Variants in PREX1 observed in about 807,000 individuals in gnomAD.
PREX1 encodes the protein phosphatidylinositol 3,4,5-trisphosphate-dependent Rac exchanger 1 protein.
Under a neutral mutation model 198.3 loss-of-function variants are expected in PREX1, and 41 were observed. That is an observed-to-expected ratio of 0.21 (90% CI 0.16 to 0.27). The LOEUF is 0.27. PREX1 is among the 10% of genes least tolerant of loss of function. The pLI is 1.00. For synonymous variants in PREX1, 843 were observed against 887.2 expected (o/e 0.95, Z 0.89); for missense variants, 1,620 against 2,200.7 (o/e 0.74, Z 5.28).
At chr20:48,628,441 C>T (rs2089289987) in intron 37 of PREX1, among the ~76,000 whole-genome samples, 1 of 152,166 alleles carries the variant, frequency 6.6e-6, no homozygotes, top group Non-Finnish European at 1.5e-5. Flanking sequence ...TCCTCTGTGA[C>T]CCTGGGTAGC....
chr20:48,776,478 C>G (rs914217928), intron 1 of PREX1, among the ~76,000 whole-genome samples: 4 of 152,208 alleles, frequency 2.6e-5, no homozygotes, highest in Admixed American at 6.5e-5. Context: ...GCCGCTGGAG[C>G]CTGGAAGCCA....
chr20:48,664,486 G>A (rs1040710083), intron 15 of PREX1, among the ~76,000 whole-genome samples: 1 of 152,198 alleles, frequency 6.6e-6, no homozygotes, highest in Non-Finnish European at 1.5e-5. Flanking sequence ...CAACTGAGCA[G>A]AAACACTGAG....
chr20:48,773,699 C>T (rs1056740724), intron 1 of PREX1, among the ~76,000 whole-genome samples: 2 of 152,106 alleles, frequency 1.3e-5, no homozygotes, highest in African/African-American at 2.4e-5. Context: ...CAGGAAGAAA[C>T]GAGGCAAGAG....
intron 10 of PREX1, among the ~76,000 whole-genome samples, chr20:48,687,731 A>G (rs984626015): frequency 3.3e-5 from 5 of 152,136 alleles, no homozygotes; most frequent in African/African-American, 1.2e-4. Context: ...AGGGCCTTAA[A>G]ACAGCCTGAC....
intron 5 of PREX1, among the ~76,000 whole-genome samples, chr20:48,718,447 A>G (rs1447352984): frequency 6.6e-6 from 1 of 152,252 alleles, no homozygotes; most frequent in Non-Finnish European, 1.5e-5. Context: ...AAAGAAACTA[A>G]AACAATCCAA....
chr20:48,761,419 G>A (rs1240065610), intron 1 of PREX1, among the ~76,000 whole-genome samples: 7 of 152,178 alleles, frequency 4.6e-5, no homozygotes, highest in Non-Finnish European at 7.3e-5. Context: ...GCAGACCCTC[G>A]AAAAGGATGT....
Position 48,650,984 on chromosome 20 carries a change from G to T in PREX1, c.2727C>A (p.Ser909Arg). ...ENCRRLMALS[S>R]AIVTMPHFEF... ...CAAAGTGGGGCATGGTCACGATGGC[G>T]CTGCTCAGGGCCATGAGCCGCCTGC... Residue 909 changes from serine (S) to arginine (R), a missense_variant, in exon 23 of 40, where the codon AGC becomes AGA. Transcript: ENST00000371941. 6.2e-7 allele frequency: 1 copy of T among 1,614,182 alleles called. No individual in the cohort carries two copies. Among genetic ancestry groups the T allele is most frequent in the Non-Finnish European group, 8.5e-7 (1 of 1,180,026 alleles).
chr20:48,676,590 T>C (rs966785482), intron 13 of PREX1, among the ~76,000 whole-genome samples: 2 of 152,092 alleles, frequency 1.3e-5, no homozygotes, highest in African/African-American at 4.8e-5. Context: ...TCTGGAGACA[T>C]TTTTGGCTGT....
intron 3 of PREX1, among the ~76,000 whole-genome samples, chr20:48,740,444 C>A (rs911958039): frequency 9.9e-5 from 15 of 152,242 alleles, no homozygotes; most frequent in African/African-American, 3.6e-4. Context: ...CACTGGGCAA[C>A]AAGGGTGCAA....
At chr20:48,665,627 C>T (rs1050261639) in intron 15 of PREX1, among the ~76,000 whole-genome samples, 1 of 152,226 alleles carries the variant, frequency 6.6e-6, no homozygotes, top group African/African-American at 2.4e-5. Flanking sequence ...GATGTTAATA[C>T]TCACATCAAA....
intron 1 of PREX1, among the ~76,000 whole-genome samples, chr20:48,798,223 A>C (rs2090371592): frequency 2.0e-5 from 3 of 151,594 alleles, no homozygotes. Flanking sequence ...CCACTGAAAA[A>C]CTTTATCACC....
At chr20:48,731,281 T>C (rs925796005) in intron 4 of PREX1, among the ~76,000 whole-genome samples, 1 of 152,160 alleles carries the variant, frequency 6.6e-6, no homozygotes, top group East Asian at 1.9e-4. Context: ...TCACCCAAGA[T>C]GCAGTTTTCC....
chr20:48,706,948 A>G (rs762130317), intron 6 of PREX1, among the ~76,000 whole-genome samples: 8 of 152,276 alleles, frequency 5.3e-5, no homozygotes, highest in Non-Finnish European at 1.0e-4. Flanking sequence ...GAATCAGAAC[A>G]TCACCTGTCC....
At chr20:48,680,011 TG>T (rs1406919339) in intron 11 of PREX1, among the ~76,000 whole-genome samples, 2 of 152,144 alleles carry the variant, frequency 1.3e-5, no homozygotes, top group Non-Finnish European at 2.9e-5. Flanking sequence ...ACTCGCAGCT[TG>T]GGGTGGGGCA....
intron 3 of PREX1, among the ~76,000 whole-genome samples, chr20:48,739,497 T>C (rs1325928105): frequency 6.6e-6 from 1 of 152,212 alleles, no homozygotes; most frequent in Admixed American, 6.5e-5. Context: ...GGCCCTGACC[T>C]CCCGATTGAA....
chr20:48,759,504 C>A (rs1396849012), intron 1 of PREX1, among the ~76,000 whole-genome samples: 1 of 146,680 alleles, frequency 6.8e-6, no homozygotes, highest in African/African-American at 2.5e-5. Context: ...GAACTGAAAT[C>A]GCACCACTGC....
At chr20:48,887,739 G>A in the PREX1 span, among the ~76,000 whole-genome samples, 1 of 152,182 alleles carries the variant, frequency 6.6e-6, no homozygotes, top group Non-Finnish European at 1.5e-5. Flanking sequence ...GATGTCAAGA[G>A]ATGGAGACCA....
intron 1 of PREX1, among the ~76,000 whole-genome samples, chr20:48,777,655 G>T (rs1346306797): frequency 6.6e-6 from 1 of 152,136 alleles, no homozygotes; most frequent in Non-Finnish European, 1.5e-5. Context: ...GGCCTGAAGG[G>T]TCACGGCAAA....
In PREX1 at chr20:48,627,886, T is replaced by G. The variant is rs747743302; in HGVS notation, c.4844A>C (p.Gln1615Pro). ...SHGLLPKCIM[Q>P]ATDIMRKQGP... The stretch of plus-strand genomic sequence containing the variant: ...CTGCTTCCGCATGATGTCCGTGGCC[T>G]GCATGATGCACTTGGGCAGCAACCC... The change falls in exon 38 of 40, where the codon CAG becomes CCG. Residue 1615 changes from glutamine to proline, a missense_variant. By Grantham distance (76) the Gln-to-Pro change is moderately conservative. This residue lies in a region of PREX1 where 476 missense variants were observed against 603.4 expected (regional missense o/e 0.79). Coordinates refer to ENST00000371941, the MANE Select transcript of PREX1 (RefSeq NM_020820.4). The G allele has an allele frequency of 6.2e-7, 1 of 1,613,060 alleles. No homozygotes were observed. The highest frequency in any genetic ancestry group is 8.5e-7 in the Non-Finnish European group (1 of 1,179,902).
Sources: gnomAD v4.1 joint callset for allele counts (sites outside exome capture counted in the v4.1 genomes callset) on GRCh38, gnomAD v4.1.1 for gene constraint, gnomAD v4.1.1 regional missense constraint, MANE v1.5 for transcripts, NCBI Gene and HGNC (gene_info 2026-07-23, HGNC 2026-07-21) for gene names.